The following LRRC3C variants were observed in gnomAD, a reference collection of about 807,000 sequenced individuals.
The protein encoded by LRRC3C is leucine-rich repeat-containing protein 3C.
A neutral mutation model predicts 14.8 loss-of-function variants in LRRC3C; 11 were observed. That is an observed-to-expected ratio of 0.74 (90% CI 0.47 to 1.23). The LOEUF is 1.23. Ranked by LOEUF, LRRC3C falls within the 50% of genes most tolerant of loss-of-function variation. The probability of loss-of-function intolerance (pLI) is 0.00; values close to 1 mark genes in which losing one functional copy is unlikely to be tolerated. For synonymous variants in LRRC3C, 149 were observed against 161.5 expected (o/e 0.92, Z 0.59); for missense variants, 354 against 361.8 (o/e 0.98, Z 0.18).
chr17:39,929,647 T>A lies in LRRC3C; in HGVS notation c.-175+1833T>A, dbSNP rs559185312. Among the ~76,000 whole-genome samples the A allele has an allele frequency of 2.6e-5, 4 of 152,232 alleles. No individual in the cohort carries two copies. The South Asian group carries it at 8.3e-4, about 32-fold the overall frequency. The stretch of plus-strand genomic sequence containing the variant: ...ACTGTGTGCCAAGAAGCTGAAAAAT[T>A]CTTCTTGCCTCAGAGCCATAATTAC... On this transcript the variant is annotated intron_variant, in intron 1 of 3. Coordinates refer to ENST00000377924, the MANE Select transcript of LRRC3C (RefSeq NM_001195545.2).
At chr17:39,939,233 T>A (rs1313604285) in intron 2 of LRRC3C, 3 of 348,810 alleles carry the variant, frequency 8.6e-6, no homozygotes, top group Non-Finnish European at 1.2e-5. Context: ...CATCAAGGAC[T>A]GAGTGCATTG....
chr17:39,927,899 C>CT (rs1241324534), intron 1 of LRRC3C, 85 bp downstream of exon 1: 1 of 977,194 alleles, frequency 1.0e-6, no homozygotes, highest in East Asian at 1.1e-4. Context: ...GAGACTCGGA[C>CT]TTGTAAGTAA....
rs577064198 is a variant in LRRC3C, at chr17:39,944,091, C to T, written c.185C>T (p.Thr62Met). ...GTGGCAAAGGAAGCAGGTGAACGGA[C>T]GTTCCGCTGCAGCCAGGCAGGCCTC... ...CYVAKEAGER[T>M]FRCSQAGLSA... Residue 62 changes from threonine to methionine, a missense_variant, in exon 4 of 4, where the codon ACG becomes ATG. Coordinates refer to ENST00000377924, the MANE Select transcript of LRRC3C (RefSeq NM_001195545.2). 1.4e-5 allele frequency: 21 copies of T among 1,536,086 alleles called. No homozygotes were observed. Among genetic ancestry groups the T allele is most frequent in the Admixed American group, 9.8e-5 (5 of 50,996 alleles).
chr17:39,933,946 TG>T (rs1978728062), intron 1 of LRRC3C, among the ~76,000 whole-genome samples: 1 of 152,092 alleles, frequency 6.6e-6, no homozygotes, highest in Non-Finnish European at 1.5e-5. Context: ...CCCAGGCATG[TG>T]GTGGGAAGAA....
At chr17:39,931,158 C>T (rs979287315) in intron 1 of LRRC3C, among the ~76,000 whole-genome samples, 1 of 148,840 alleles carries the variant, frequency 6.7e-6, no homozygotes. Context: ...AAAAAAAAGT[C>T]TTCCTTGGCT....
At chr17:39,932,922 C>T (rs747268073) in intron 1 of LRRC3C, among the ~76,000 whole-genome samples, 4 of 151,936 alleles carry the variant, frequency 2.6e-5, no homozygotes, top group Admixed American at 6.6e-5. Flanking sequence ...CATGGTGGCG[C>T]GCCCCTGTAA....
intron 1 of LRRC3C, among the ~76,000 whole-genome samples, chr17:39,933,762 G>A (rs892941462): frequency 2.6e-5 from 4 of 152,058 alleles, no homozygotes; most frequent in African/African-American, 7.2e-5. Flanking sequence ...AAGAAACAGA[G>A]CCCCTTCCCC....
intron 2 of LRRC3C, among the ~76,000 whole-genome samples, chr17:39,938,094 T>G (rs1978846954): frequency 6.6e-6 from 1 of 152,108 alleles, no homozygotes; most frequent in Non-Finnish European, 1.5e-5. Context: ...ATGGTGCCAC[T>G]GCACTCCAGC....
chr17:39,932,103 TA>T (rs1978665726), intron 1 of LRRC3C, among the ~76,000 whole-genome samples: 1 of 152,220 alleles, frequency 6.6e-6, no homozygotes, highest in Non-Finnish European at 1.5e-5. Context: ...CTCCTCTAGT[TA>T]CCAGCTGTGT....
chr17:39,933,804 C>G (rs1402563133), intron 1 of LRRC3C, among the ~76,000 whole-genome samples: 1 of 152,230 alleles, frequency 6.6e-6, no homozygotes, highest in Admixed American at 6.5e-5. Flanking sequence ...TCCACTCCTA[C>G]TCCTCCCCTC....
chr17:39,937,797 C>A (rs1978838909), intron 2 of LRRC3C, among the ~76,000 whole-genome samples: 1 of 152,184 alleles, frequency 6.6e-6, no homozygotes, highest in Non-Finnish European at 1.5e-5. Flanking sequence ...ATGATTCTTA[C>A]CCTAGGTTGC....
intron 1 of LRRC3C, among the ~76,000 whole-genome samples, chr17:39,932,568 A>C (rs1014029687): frequency 1.7e-4 from 25 of 144,072 alleles, no homozygotes; most frequent in African/African-American, 6.4e-4. Context: ...AAAAACAAAA[A>C]TAAATTAGCC....
Position 39,944,696 on chromosome 17 carries a change from C to T in LRRC3C, c.790C>T (p.Arg264Cys), listed in dbSNP as rs558114586. ...CAAGCGGGCCCCAGTGCTGCCCGTGCGTTCCGAGGACTCCTCCATCCTCAG... is the reference window on the plus strand; with the variant it reads ...CAAGCGGGCCCCAGTGCTGCCCGTGTGTTCCGAGGACTCCTCCATCCTCAG... ...SLKRAPVLPV[R>C]SEDSSILSTV... The change falls in exon 4 of 4, where the codon CGT becomes TGT. Residue 264 changes from arginine to cysteine, a missense_variant. Transcript: ENST00000377924. 4.2e-4 allele frequency: 639 copies of T among 1,536,006 alleles called. 2 individuals are homozygous for T. The African/African-American group carries it at 7.8e-3, about 19-fold the overall frequency.
chr17:39,927,899 C>A, intron 1 of LRRC3C, 85 bp downstream of exon 1: 1 of 977,312 alleles, frequency 1.0e-6, no homozygotes, highest in Non-Finnish European at 1.2e-6. Context: ...GAGACTCGGA[C>A]TTGTAAGTAA....
intron 1 of LRRC3C, among the ~76,000 whole-genome samples, chr17:39,931,279 A>G (rs1978643295): frequency 6.6e-6 from 1 of 151,184 alleles, no homozygotes; most frequent in South Asian, 2.1e-4. Context: ...TCCCGTCTCT[A>G]CTAAAAATAG....
At chr17:39,941,208 G>T (rs1246293959) in intron 2 of LRRC3C, among the ~76,000 whole-genome samples, 1 of 151,940 alleles carries the variant, frequency 6.6e-6, no homozygotes, top group Non-Finnish European at 1.5e-5. Context: ...AAATTAGCCG[G>T]GTTTGGTCGG....
intron 2 of LRRC3C, among the ~76,000 whole-genome samples, chr17:39,938,350 C>G (rs913683866): frequency 6.6e-6 from 1 of 152,008 alleles, no homozygotes; most frequent in African/African-American, 2.4e-5. Flanking sequence ...AATACTCAAC[C>G]CTCCCTTTAT....
At chr17:39,940,143 C>T (rs1978898890) in intron 2 of LRRC3C, among the ~76,000 whole-genome samples, 1 of 152,206 alleles carries the variant, frequency 6.6e-6, no homozygotes, top group Admixed American at 6.5e-5. Context: ...TTATCTGATT[C>T]CTTAGACAAA....
At chr17:39,932,598 C>T (rs369999554) in intron 1 of LRRC3C, among the ~76,000 whole-genome samples, 209 of 143,936 alleles carry the variant, frequency 1.5e-3, no homozygotes, top group African/African-American at 5.0e-3. Context: ...GGCATGTTCC[C>T]GTAGTCCCAG....
Sources: allele counts gnomAD v4.1 joint callset (sites outside exome capture counted in the v4.1 genomes callset), GRCh38; gene constraint gnomAD v4.1.1; transcripts MANE v1.5; gene names NCBI Gene and HGNC (gene_info 2026-07-23, HGNC 2026-07-21).